Variants in PROC observed in about 807,000 individuals in gnomAD.
The protein encoded by PROC is protein C, inactivator of coagulation factors Va and VIIIa, also known as vitamin K-dependent protein C.
PROC carries 22 observed loss-of-function variants against 36.3 expected under a neutral mutation model. That is an observed-to-expected ratio of 0.61 (90% CI 0.43 to 0.86). PROC has a LOEUF of 0.86. Ranked by LOEUF, PROC falls within the 40% of genes least tolerant of loss-of-function variation. PROC has a pLI of 0.00. For missense variants in PROC, 526 were observed against 629.7 expected (o/e 0.84, Z 1.76); for synonymous variants, 218 against 244.5 (o/e 0.89, Z 1.01).
At chr2:127,421,228 C>A in intron 2 of PROC, 55 bp from the exon 3 acceptor site, 1 of 1,595,066 alleles carries the variant, frequency 6.3e-7, no homozygotes, top group Non-Finnish European at 8.6e-7. Flanking sequence ...CCTCATGGCC[C>A]CAGCCCCTCT....
chr2:127,425,892 T>TTGAC (rs571430618), intron 6 of PROC, among the ~76,000 whole-genome samples, 193 bp from the exon 7 acceptor site: 3 of 152,282 alleles, frequency 2.0e-5, no homozygotes, highest in East Asian at 3.9e-4. Context: ...GCACTGTTTG[T>TTGAC]TGACTGACTG....
chr2:127,423,490 G>A lies in PROC; in HGVS notation c.535+82G>A, dbSNP rs772009935. 677 of 1,499,148 alleles carry A rather than the reference G, an allele frequency of 4.5e-4. 1 individual carries two copies. Among genetic ancestry groups the A allele is most frequent in the Non-Finnish European group, 5.5e-4 (617 of 1,121,252 alleles). The allele number at this position is 1,499,148 out of a possible 1,614,324, so 92.9% of individuals were successfully genotyped here. ...CCCCTGACGGGGCGCGGCGCGGGGG[G>A]CTCAGGAGGGTTTCTAGGGAGGGAG... On this transcript the variant is annotated intron_variant, in intron 6 of 8. Transcript: ENST00000234071.
Position 127,428,953 on chromosome 2 carries a change from T to A in PROC, c.*7T>A, listed in dbSNP as rs1688716483. On this transcript the variant is annotated 3_prime_UTR_variant, in exon 9 of 9. Transcript: ENST00000234071. ...GAAGAGCTGGGCACCTTAGCGACCC[T>A]CCCTGCAGGGCTGGGCTTTTGCATG... 1.9e-6 allele frequency: 3 copies of A among 1,613,650 alleles called. No individual in the cohort carries two copies. The highest frequency in any genetic ancestry group is 2.5e-6 in the Non-Finnish European group (3 of 1,179,922).
In PROC at chr2:127,422,956, G is replaced by A; in HGVS notation, c.262+15G>A. 6.2e-7 allele frequency: 1 copy of A among 1,605,012 alleles called. No homozygotes were observed. The highest frequency in any genetic ancestry group is 8.5e-7 in the Non-Finnish European group (1 of 1,176,720). On this transcript the variant is annotated intron_variant, in intron 4 of 8. Coordinates refer to ENST00000234071, the MANE Select transcript of PROC (RefSeq NM_000312.4). Reference sequence around the variant, plus strand: ...CAAGCACGTCGGTGAGTGCGTTCTAGATCCCCGGCTGGACTACCGGCGCCC... The same window carrying A: ...CAAGCACGTCGGTGAGTGCGTTCTAAATCCCCGGCTGGACTACCGGCGCCC...
At chr2:127,424,201 T>G (rs1688330139) in intron 6 of PROC, among the ~76,000 whole-genome samples, 1 of 151,862 alleles carries the variant, frequency 6.6e-6, no homozygotes. Context: ...AACTTTCTTT[T>G]TTTTCTTTTT....
In PROC at chr2:127,423,910, T is replaced by G. The variant is rs148432394; in HGVS notation, c.535+502T>G. Among the ~76,000 whole-genome samples, 16 of 152,384 alleles carry G rather than the reference T, an allele frequency of 1.0e-4. No individual in the cohort carries two copies. The East Asian group carries it at 2.5e-3, about 24-fold the overall frequency. ...TGCATTTTAATCAAATTTATATATG[T>G]ATGAAACTTTAAAAATCAGAGTTTT... is the stretch of plus-strand genomic sequence containing the variant. On this transcript the variant is annotated intron_variant, in intron 6 of 8. Coordinates refer to ENST00000234071, the MANE Select transcript of PROC (RefSeq NM_000312.4).
Position 127,426,070 on chromosome 2 carries a change from C to T in PROC, c.536-15C>T. On this transcript the variant is annotated splice_polypyrimidine_tract_variant and intron_variant, in intron 6 of 8. Transcript: ENST00000234071. The surrounding 1 kb of genome is among the most constrained non-coding windows in gnomAD (Gnocchi z 7.0). Reference sequence around the variant, plus strand: ...GAGTGCCTGGCAGGCCCCTCACCACCTCTGCCTACCTCAGTGAAGTTCCCT... The same window carrying T: ...GAGTGCCTGGCAGGCCCCTCACCACTTCTGCCTACCTCAGTGAAGTTCCCT... 1 of 1,614,012 alleles carries T rather than the reference C, an allele frequency of 6.2e-7. No individual in the cohort carries two copies. The highest frequency in any genetic ancestry group is 8.5e-7 in the Non-Finnish European group (1 of 1,180,026).
chr2:127,418,482 G>T lies in PROC; in HGVS notation c.-32G>T, dbSNP rs912629007. On this transcript the variant is annotated 5_prime_UTR_variant, in exon 1 of 9. Transcript: ENST00000234071. This position sits in a 1 kb window ranked among gnomAD's most constrained non-coding sequence, Gnocchi z 4.8. ...GACGGCGAACTTGCAGTATCTCCAC[G>T]ACCCGCCCCTGTGAGTCCCCCTCCA... 2 of 1,289,682 alleles carry T rather than the reference G, an allele frequency of 1.6e-6. No homozygotes were observed. The highest frequency in any genetic ancestry group is 1.2e-5 in the South Asian group (1 of 81,038). 79.9% of individuals were successfully genotyped at this position (1,289,682 alleles called of 1,614,324 possible). A position where few individuals can be genotyped will look rare whatever the true frequency, so the allele number is the denominator to read the frequency against.
At chr2:127,423,211 G>A in intron 5 of PROC, 40 bp downstream of exon 5, 1 of 1,520,386 alleles carries the variant, frequency 6.6e-7, no homozygotes, top group Non-Finnish European at 8.8e-7. Flanking sequence ...GGCGGGGCGG[G>A]GCTGGGGCCG....
intron 3 of PROC, among the ~76,000 whole-genome samples, chr2:127,421,682 C>A (rs1297124734): frequency 6.6e-6 from 1 of 151,368 alleles, no homozygotes; most frequent in African/African-American, 2.4e-5. Flanking sequence ...TAGGTGGGGA[C>A]TCCCACCAGC....
At position 127,428,452 on chromosome 2, in the gene PROC, A is replaced by G; in HGVS notation, c.892A>G (p.Asn298Asp). Residue 298 changes from asparagine (N) to aspartate (D), a missense_variant, in exon 9 of 9, where the codon AAT (asparagine) becomes GAT (aspartate). Asn to Asp is a conservative substitution (Grantham distance 23). Transcript: ENST00000234071. ...HPNYSKSTTD[N>D]DIALLHLAQP... Reference sequence around the variant, plus strand: ...CAACTACAGCAAGAGCACCACCGACAATGACATCGCACTGCTGCACCTGGC... The same window carrying G: ...CAACTACAGCAAGAGCACCACCGACGATGACATCGCACTGCTGCACCTGGC... 6.2e-7 allele frequency: 1 copy of G among 1,614,154 alleles called. No homozygotes were observed. Among genetic ancestry groups the G allele is most frequent in the Non-Finnish European group, 8.5e-7 (1 of 1,180,030 alleles).
chr2:127,427,305 C>A, intron 8 of PROC, 83 bp downstream of exon 8: 1 of 1,242,090 alleles, frequency 8.1e-7, no homozygotes, highest in Non-Finnish European at 1.2e-6. Context: ...TGGGGGACCC[C>A]GCTCCCCAGG....
Position 127,421,513 on chromosome 2 carries a change from G to A in PROC, c.237+64G>A, listed in dbSNP as rs1417626954. 40 of 1,587,686 alleles carry A rather than the reference G, an allele frequency of 2.5e-5. No individual in the cohort carries two copies. The East Asian group carries it at 5.6e-4, about 22-fold the overall frequency. ...CGAGCTGGTAACCAGCAGGGGCCTC[G>A]AGGAGCAGGTGGGGACTCAATGCTG... On this transcript the variant is annotated intron_variant, in intron 3 of 8. Transcript: ENST00000234071.
At chr2:127,420,637 A>G (rs970757785) in intron 2 of PROC, among the ~76,000 whole-genome samples, 2 of 151,026 alleles carry the variant, frequency 1.3e-5, no homozygotes, top group Non-Finnish European at 2.9e-5. Context: ...TCTTGCTCAC[A>G]CCCCCAACTT....
chr2:127,425,165 C>G (rs1688407665), intron 6 of PROC, among the ~76,000 whole-genome samples: 1 of 152,238 alleles, frequency 6.6e-6, no homozygotes, highest in African/African-American at 2.4e-5. Flanking sequence ...GGAAGCCCCA[C>G]AGCCTCCTAT....
rs776940957 is a variant in PROC at position 127,426,151 on chromosome 2, C to CAGAAGACCA, written c.614_622dup (p.Glu205_Gln207dup). The CAGAAGACCA allele has an allele frequency of 2.5e-6, 4 of 1,614,128 alleles. No homozygotes were observed. Among genetic ancestry groups the CAGAAGACCA allele is most frequent in the East Asian group, 2.2e-5 (1 of 44,876 alleles). ...AAGCGCAGTCACCTGAAACGAGACACAGAAGACCAAGAAGACCAAGTAGAT... is the reference window on the plus strand; with the variant it reads ...AAGCGCAGTCACCTGAAACGAGACACAGAAGACCAAGAAGACCAAGAAGACCAAGTAGAT... On this transcript the variant is annotated inframe_insertion, in exon 7 of 9. Coordinates refer to ENST00000234071, the MANE Select transcript of PROC (RefSeq NM_000312.4). The surrounding 1 kb of genome is among the most constrained non-coding windows in gnomAD (Gnocchi z 7.0).
intron 6 of PROC, 78 bp downstream of exon 6, chr2:127,423,486 G>C: frequency 1.3e-6 from 2 of 1,512,692 alleles, no homozygotes. Context: ...GCGCGGCGCG[G>C]GGGGCTCAGG....
Position 127,423,341 on chromosome 2 carries a change from C to T in PROC, c.468C>T (p.Gly156=), listed in dbSNP as rs201105510. 6.5e-7 allele frequency: 1 copy of T among 1,550,316 alleles called. No individual in the cohort carries two copies. Among genetic ancestry groups the T allele is most frequent in the East Asian group, 2.4e-5 (1 of 40,910 alleles). Residue 156 remains glycine (G), a synonymous_variant, in exon 6 of 9, where the codon GGC becomes GGT. Coordinates refer to ENST00000234071, the MANE Select transcript of PROC (RefSeq NM_000312.4). ...CGCATTACTGCCTAGAGGAGGTGGG[C>T]TGGCGGCGCTGTAGCTGTGCGCCTG... ...GCTHYCLEEV[G]WRRCSCAPGY... is the part of the protein sequence containing the mutation.
rs575779935 is a variant in PROC at position 127,426,767 on chromosome 2, G to A, written c.679-338G>A. 3.3e-5 allele frequency among the ~76,000 whole-genome samples: 5 copies of A among 152,330 alleles called. No homozygotes were observed. The East Asian group carries it at 9.7e-4, about 29-fold the overall frequency. On this transcript the variant is annotated intron_variant, in intron 7 of 8. Coordinates refer to ENST00000234071, the MANE Select transcript of PROC (RefSeq NM_000312.4). This position sits in a 1 kb window ranked among gnomAD's most constrained non-coding sequence, Gnocchi z 7.0. ...GATAGGGGCTGAGGGAGGCCCAAGG[G>A]GAACATCCAGGCAGCCTGGGGGCCA...
Sources: gnomAD v4.1 joint callset for allele counts (sites outside exome capture counted in the v4.1 genomes callset) on GRCh38, gnomAD v4.1.1 for gene constraint, Gnocchi (gnomAD v3.1) non-coding constraint, MANE v1.5 for transcripts, NCBI Gene and HGNC (gene_info 2026-07-23, HGNC 2026-07-21) for gene names.